Variants in EPX observed in about 807,000 individuals in gnomAD.
EPX encodes eosinophil peroxidase.
In EPX, 60 loss-of-function variants were observed where a neutral mutation model predicts 73.0. The observed-to-expected ratio is 0.82, with a 90% CI of 0.67 to 1.02. The LOEUF (loss-of-function observed/expected upper bound fraction) is 1.02. EPX is among the 50% of genes least tolerant of loss of function. The pLI, the probability that EPX is intolerant of heterozygous loss-of-function variation, is 0.00. For synonymous variants in EPX, 347 were observed against 389.2 expected (o/e 0.89, Z 1.28); for missense variants, 950 against 973.9 (o/e 0.98, Z 0.33).
At chr17:58,198,037 T>C (rs1968286704) in intron 7 of EPX, among the ~76,000 whole-genome samples, 1 of 152,136 alleles carries the variant, frequency 6.6e-6, no homozygotes, top group Non-Finnish European at 1.5e-5. Context: ...AGTTTCACCA[T>C]GTTGGCCAGG....
In EPX at chr17:58,197,220, C is replaced by G; in HGVS notation, c.1083C>G (p.Leu361=). 1 of 1,613,334 alleles carries G rather than the reference C, an allele frequency of 6.2e-7. No individual in the cohort carries two copies. The highest frequency in any genetic ancestry group is 8.5e-7 in the Non-Finnish European group (1 of 1,180,034). ...FDNLHDDPCL[L]TNRSARIPCF... ...ACCTGCACGATGACCCCTGTCTCCT[C>G]ACCAACCGCTCGGCGCGCATCCCCT... The change falls in exon 7 of 13, where the codon CTC becomes CTG. Residue 361 remains leucine, a synonymous_variant. Coordinates refer to ENST00000225371, the MANE Select transcript of EPX (RefSeq NM_000502.6).
chr17:58,204,293 G>C lies in EPX; in HGVS notation c.2018G>C (p.Arg673Pro), dbSNP rs376090047. 36 of 1,613,668 alleles carry C rather than the reference G, an allele frequency of 2.2e-5. No homozygotes were observed. The highest frequency in any genetic ancestry group is 3.0e-5 in the Non-Finnish European group (35 of 1,179,718). The change falls in exon 12 of 13, where the codon CGA becomes CCA. Residue 673 changes from arginine (R) to proline (P), a missense_variant. Coordinates refer to ENST00000225371, the MANE Select transcript of EPX (RefSeq NM_000502.6). ...RKALSRISLS[R>P]IICDNTGITT... ...GCCCTGAGCAGAATTTCCTTGTCTC[G>C]AATTATATGTGACAATACCGGTATC...
intron 10 of EPX, among the ~76,000 whole-genome samples, chr17:58,201,332 C>A (rs914657597): frequency 7.2e-5 from 11 of 152,240 alleles, no homozygotes. Context: ...AGCTAAGGAG[C>A]TGTGGGCACC....
intron 10 of EPX, among the ~76,000 whole-genome samples, chr17:58,201,349 C>T (rs747376668): frequency 7.9e-5 from 12 of 152,174 alleles, no homozygotes; most frequent in African/African-American, 1.9e-4. Context: ...CACCCCCTGC[C>T]GGAGAGCTGA....
At chr17:58,201,861 G>A (rs1373765889) in intron 10 of EPX, among the ~76,000 whole-genome samples, 1 of 152,150 alleles carries the variant, frequency 6.6e-6, no homozygotes, top group African/African-American at 2.4e-5. Flanking sequence ...GGAAGAGCTG[G>A]AGAGCTGAGA....
At position 58,195,037 on chromosome 17, in the gene EPX, T is replaced by G. The variant is rs1483068988; in HGVS notation, c.668T>G (p.Met223Arg). 4 of 1,614,174 alleles carry G rather than the reference T, an allele frequency of 2.5e-6. No homozygotes were observed. Among genetic ancestry groups the G allele is most frequent in the Non-Finnish European group, 3.4e-6 (4 of 1,179,982 alleles). Residue 223 changes from methionine (M) to arginine (R), a missense_variant, in exon 6 of 13, where the codon ATG becomes AGG. Coordinates refer to ENST00000225371, the MANE Select transcript of EPX (RefSeq NM_000502.6). The stretch of plus-strand genomic sequence containing the variant: ...ACCTCCGACCGTGGCCGAGCCCTCA[T>G]GTTCATGCAGTGGGGCCAGTTCATT... Reference protein sequence around the residue: ...RLTSDRGRALMFMQWGQFIDH... With the variant: ...RLTSDRGRALRFMQWGQFIDH...
chr17:58,202,879 G>C (rs1482156538), intron 10 of EPX: 2 of 623,616 alleles, frequency 3.2e-6, no homozygotes, highest in East Asian at 5.6e-5. Flanking sequence ...GATGCACACT[G>C]AGCACAGTTG....
intron 11 of EPX, among the ~76,000 whole-genome samples, chr17:58,203,673 C>T (rs1968376498): frequency 6.6e-6 from 1 of 152,052 alleles, no homozygotes; most frequent in Non-Finnish European, 1.5e-5. Flanking sequence ...TGGCTCACGC[C>T]TGTAATCCCA....
At position 58,193,437 on chromosome 17, in the gene EPX, G is replaced by A. The variant is rs563593291; in HGVS notation, c.237G>A (p.Pro79=). Residue 79 remains proline (P), a synonymous_variant, in exon 3 of 13, where the codon CCG becomes CCA. Transcript: ENST00000225371. The part of the protein sequence containing the change: ...PMDLLSYFKQ[P]VAATRTVVRA... ...ACCTCCTGTCCTACTTCAAACAACC[G>A]GTAGCAGCCACCAGGACAGTTGTTC... 37 of 1,614,148 alleles carry A rather than the reference G, an allele frequency of 2.3e-5. No individual in the cohort carries two copies. The highest frequency in any genetic ancestry group is 2.1e-4 in the South Asian group (19 of 91,080).
In EPX at chr17:58,192,825, CTGG is replaced by C. The variant is rs1968192930; in HGVS notation, c.-19_-17del. 6.2e-7 allele frequency: 1 copy of C among 1,609,694 alleles called. No homozygotes were observed. Among genetic ancestry groups the C allele is most frequent in the Non-Finnish European group, 8.5e-7 (1 of 1,177,042 alleles). ...GCTGTGGATGTCACTCACTTCCCAG[CTGG>C]TGAAGCCTCGCTGCAGAGATGCATC... On this transcript the variant is annotated 5_prime_UTR_variant, in exon 1 of 13. Coordinates refer to ENST00000225371, the MANE Select transcript of EPX (RefSeq NM_000502.6).
Position 58,193,115 on chromosome 17 carries a change from A to C in EPX, c.154A>C (p.Asn52His). The C allele has an allele frequency of 1.2e-6, 2 of 1,611,408 alleles. No homozygotes were observed. Among genetic ancestry groups the C allele is most frequent in the Middle Eastern group, 1.7e-4 (1 of 6,058 alleles). The change falls in exon 2 of 13, where the codon AAT becomes CAT. Residue 52 changes from asparagine (N) to histidine (H), a missense_variant. Coordinates refer to ENST00000225371, the MANE Select transcript of EPX (RefSeq NM_000502.6). ...EAKLLVDAAY[N>H]WTQKSIKQRL... ...CAAGTTGCTGGTGGATGCTGCCTAC[A>C]ATTGGACCCAGAAGAGGTGGACTTG...
At position 58,195,065 on chromosome 17, in the gene EPX, C is replaced by T. The variant is rs527517013; in HGVS notation, c.696C>T (p.Asp232=). 6 of 1,613,962 alleles carry T rather than the reference C, an allele frequency of 3.7e-6. No homozygotes were observed. The highest frequency in any genetic ancestry group is 2.7e-5 in the African/African-American group (2 of 75,048). ...LMFMQWGQFI[D]HDLDFSPESP... ...TCATGCAGTGGGGCCAGTTCATTGA[C>T]CATGACCTGGACTTCTCCCCGGAGT... The change falls in exon 6 of 13, where the codon GAC becomes GAT. Residue 232 remains aspartate (D), a synonymous_variant. Transcript: ENST00000225371.
At position 58,199,085 on chromosome 17, in the gene EPX, C is replaced by T. The variant is rs199602170; in HGVS notation, c.1166C>T (p.Thr389Ile). Residue 389 changes from threonine to isoleucine, a missense_variant, in exon 8 of 13, where the codon ACC (threonine) becomes ATC (isoleucine). Transcript: ENST00000225371. The stretch of plus-strand genomic sequence containing the variant: ...ACCCCCAAACTGGCAGCCATGCACA[C>T]CCTCTTTATGCGAGAGCACAACCGG... ...TETPKLAAMH[T>I]LFMREHNRLA... 101 of 1,613,964 alleles carry T rather than the reference C, an allele frequency of 6.3e-5. No homozygotes were observed. The highest frequency in any genetic ancestry group is 8.1e-5 in the Non-Finnish European group (95 of 1,180,002).
intron 10 of EPX, among the ~76,000 whole-genome samples, chr17:58,201,312 C>T (rs113827643): frequency 5.2e-4 from 79 of 152,320 alleles, no homozygotes; most frequent in African/African-American, 1.8e-3. Flanking sequence ...TAAACTTGGG[C>T]GCTCCTGGCA....
chr17:58,202,177 G>C (rs753794253), intron 10 of EPX, among the ~76,000 whole-genome samples: 4 of 152,206 alleles, frequency 2.6e-5, no homozygotes, highest in Non-Finnish European at 4.4e-5. Context: ...GTAAAATACT[G>C]TGTGGTTTTC....
chr17:58,197,617 C>T (rs36011493), intron 7 of EPX, among the ~76,000 whole-genome samples: 1,657 of 152,302 alleles, frequency 0.011, 12 homozygotes, highest in Middle Eastern at 0.02. Context: ...GACACTGTCC[C>T]TCTTACACGC....
chr17:58,200,972 A>G (rs1968333296), intron 10 of EPX, among the ~76,000 whole-genome samples: 2 of 152,362 alleles, frequency 1.3e-5, no homozygotes, highest in Admixed American at 1.3e-4. Context: ...CTTGAGAAGC[A>G]AATGATTACA....
rs1968211026 is a variant in EPX at position 58,193,696 on chromosome 17, C to T, written c.347-18C>T. The T allele has an allele frequency of 6.3e-7, 1 of 1,587,724 alleles. No individual in the cohort carries two copies. The highest frequency in any genetic ancestry group is 8.6e-7 in the Non-Finnish European group (1 of 1,157,644). On this transcript the variant is annotated intron_variant, in intron 3 of 12. Transcript: ENST00000225371. Reference sequence around the variant, plus strand: ...ACAGAGCAGGCCAGCTCAGGTCTGCCCATTTGCCTTCCCACAGATGTGCTA... The same window carrying T: ...ACAGAGCAGGCCAGCTCAGGTCTGCTCATTTGCCTTCCCACAGATGTGCTA...
At chr17:58,203,013 G>C (rs1968361494) in intron 10 of EPX, 68 bp from the exon 11 acceptor site, 2 of 1,175,778 alleles carry the variant, frequency 1.7e-6, no homozygotes, top group African/African-American at 3.0e-5. Context: ...CCAGAGGACT[G>C]GTGGAGAAAA....
Sources: gnomAD v4.1 joint callset for allele counts (sites outside exome capture counted in the v4.1 genomes callset) on GRCh38, gnomAD v4.1.1 for gene constraint, MANE v1.5 for transcripts, NCBI Gene and HGNC (gene_info 2026-07-23, HGNC 2026-07-21) for gene names.